SYT1: variants seen among roughly 807,000 people sequenced by gnomAD.
SYT1 encodes the protein synaptotagmin 1.
In SYT1, 8 loss-of-function variants were observed where a neutral mutation model predicts 44.8. The observed-to-expected ratio is 0.18, with a 90% CI of 0.10 to 0.32. The LOEUF (loss-of-function observed/expected upper bound fraction) is 0.32. Among genes scored for constraint, SYT1 ranks in the 10% least tolerant of loss-of-function variants. SYT1 has a pLI of 1.00. For missense variants in SYT1, 286 were observed against 509.3 expected, an observed-to-expected ratio of 0.56 and a Z score of 4.22; for synonymous variants, 154 against 188.8, an observed-to-expected ratio of 0.82 and a Z score of 1.51.
intron 1 of SYT1, among the ~76,000 whole-genome samples, chr12:78,885,664 T>C (rs1935431848): frequency 6.6e-6 from 1 of 151,950 alleles, no homozygotes; most frequent in African/African-American, 2.4e-5. Context: ...TGCTGCAGGC[T>C]GAGGGAGCAC....
At chr12:79,011,771 C>CAT (rs1416216136) in intron 2 of SYT1, among the ~76,000 whole-genome samples, 3 of 151,196 alleles carry the variant, frequency 2.0e-5, no homozygotes, top group Admixed American at 6.6e-5. Flanking sequence ...CTGGGTGTTT[C>CAT]ATATATATAT....
chr12:79,018,534 T>A (rs1871968295), intron 2 of SYT1, among the ~76,000 whole-genome samples: 1 of 152,056 alleles, frequency 6.6e-6, no homozygotes, highest in South Asian at 2.1e-4. Flanking sequence ...TTTCCTCTTA[T>A]ATAAAACAAA....
intron 4 of SYT1, among the ~76,000 whole-genome samples, chr12:79,266,047 A>C (rs1035109094): frequency 3.3e-5 from 5 of 152,200 alleles, no homozygotes; most frequent in Non-Finnish European, 7.4e-5. Context: ...CTTAGATTTA[A>C]TAAGGAGTCC....
chr12:79,387,291 G>C (rs1461147539), intron 9 of SYT1, among the ~76,000 whole-genome samples: 1 of 152,274 alleles, frequency 6.6e-6, no homozygotes. Context: ...CCAGAAAAGA[G>C]ACTAGAAATG....
intron 3 of SYT1, among the ~76,000 whole-genome samples, chr12:79,113,454 T>C (rs1592759504): frequency 6.6e-6 from 1 of 151,878 alleles, no homozygotes. Flanking sequence ...CTTAGAGTTA[T>C]AAATTCTGTG....
chr12:78,914,495 G>T (rs916045455), intron 1 of SYT1, among the ~76,000 whole-genome samples: 49 of 104,118 alleles, frequency 4.7e-4, no homozygotes, highest in African/African-American at 2.1e-3. Context: ...TGTTTGTATT[G>T]ATGCACATGT....
intron 3 of SYT1, among the ~76,000 whole-genome samples, chr12:79,130,872 A>G (rs907753941): frequency 2.0e-5 from 3 of 152,186 alleles, no homozygotes; most frequent in Admixed American, 2.0e-4. Context: ...CAGTCCCTTC[A>G]TAGTTCTTAA....
At chr12:78,977,998 T>A (rs1429412416) in intron 2 of SYT1, 67 bp downstream of exon 2, 2 of 152,238 alleles carry the variant, frequency 1.3e-5, no homozygotes, top group Non-Finnish European at 2.9e-5. Context: ...CATCCATATC[T>A]TTTTATATGT....
At chr12:79,066,853 T>A (rs1301710919) in intron 3 of SYT1, among the ~76,000 whole-genome samples, 1 of 152,174 alleles carries the variant, frequency 6.6e-6, no homozygotes, top group Non-Finnish European at 1.5e-5. Context: ...CTAATTGCAT[T>A]TTCCAACTTG....
chr12:79,438,603 T>C (rs753459974), intron 9 of SYT1, among the ~76,000 whole-genome samples: 1 of 152,242 alleles, frequency 6.6e-6, no homozygotes, highest in Non-Finnish European at 1.5e-5. Context: ...GTTGTAGAAT[T>C]GCTAGTTCAT....
chr12:79,298,898 C>A (rs1879997866), intron 7 of SYT1, among the ~76,000 whole-genome samples: 1 of 152,116 alleles, frequency 6.6e-6, no homozygotes, highest in African/African-American at 2.4e-5. Flanking sequence ...CCTAGCATAG[C>A]CTTTAATAAA....
At chr12:79,041,039 G>GT (rs768534287) in intron 2 of SYT1, among the ~76,000 whole-genome samples, 105 of 152,284 alleles carry the variant, frequency 6.9e-4, no homozygotes, top group Non-Finnish European at 1.4e-3. Flanking sequence ...TTGTAGTGTA[G>GT]TTTGAAGTCA....
intron 2 of SYT1, among the ~76,000 whole-genome samples, chr12:78,996,254 T>C (rs1272824122): frequency 1.3e-5 from 2 of 152,216 alleles, no homozygotes; most frequent in African/African-American, 4.8e-5. Flanking sequence ...ATGAATATAA[T>C]ATCCAGCTGC....
chr12:78,975,897 G>GA (rs1868795278), intron 1 of SYT1, among the ~76,000 whole-genome samples: 2 of 152,098 alleles, frequency 1.3e-5, no homozygotes, highest in South Asian at 4.1e-4. Flanking sequence ...ATTCAATTAT[G>GA]AAAAATCACA....
chr12:79,002,200 A>G (rs1267396987), intron 2 of SYT1, among the ~76,000 whole-genome samples: 1 of 152,160 alleles, frequency 6.6e-6, no homozygotes, highest in Non-Finnish European at 1.5e-5. Context: ...TGCTGTTTAA[A>G]AAAATTTGCA....
At chr12:79,039,602 T>G (rs1359567132) in intron 2 of SYT1, among the ~76,000 whole-genome samples, 1 of 150,216 alleles carries the variant, frequency 6.7e-6, no homozygotes, top group Non-Finnish European at 1.5e-5. Flanking sequence ...TATTTTTTTA[T>G]TTTTTATTTA....
At chr12:78,924,807 C>T (rs1466029039) in intron 1 of SYT1, among the ~76,000 whole-genome samples, 3 of 151,278 alleles carry the variant, frequency 2.0e-5, no homozygotes, top group African/African-American at 7.3e-5. Context: ...GATGAGGTTT[C>T]ATAATGATTT....
chr12:79,016,655 T>C (rs925686121), intron 2 of SYT1, among the ~76,000 whole-genome samples: 11 of 152,108 alleles, frequency 7.2e-5, no homozygotes, highest in African/African-American at 2.7e-4. Context: ...CAATGCTTAC[T>C]GCAACTTAAT....
intron 3 of SYT1, among the ~76,000 whole-genome samples, chr12:79,196,903 G>A (rs1873496280): frequency 6.6e-6 from 1 of 152,170 alleles, no homozygotes; most frequent in Non-Finnish European, 1.5e-5. Flanking sequence ...AATTTTAGAG[G>A]CAGATGCTTA....
Sources: allele counts gnomAD v4.1 joint callset (sites outside exome capture counted in the v4.1 genomes callset), GRCh38; gene constraint gnomAD v4.1.1; transcripts MANE v1.5; gene names NCBI Gene and HGNC (gene_info 2026-07-23, HGNC 2026-07-21).